The following AKAP8L variants were observed in gnomAD, a reference collection of about 807,000 sequenced individuals.
The protein encoded by AKAP8L is A-kinase anchor protein 8-like.
A neutral mutation model predicts 77.5 loss-of-function variants in AKAP8L; 34 were observed. The ratio of observed to expected loss-of-function variants is 0.44; its 90% confidence interval spans 0.33 to 0.58. The LOEUF (loss-of-function observed/expected upper bound fraction) is 0.58. Ranked by LOEUF, AKAP8L falls within the 20% of genes least tolerant of loss-of-function variation. The pLI is 0.02. For missense variants in AKAP8L, 806 were observed against 887.6 expected (o/e 0.91, Z 1.17); for synonymous variants, 342 against 340.7 (o/e 1.00, Z -0.04).
At chr19:15,382,226 A>T (rs57132700) in intron 12 of AKAP8L, among the ~76,000 whole-genome samples, 3,184 of 14,718 alleles carry the variant, frequency 0.22, 70 homozygotes, top group African/African-American at 0.38. Context: ...TTTTTTTTTT[A>T]AGACAGTCTC....
At chr19:15,396,885 T>C (rs1452220171) in intron 12 of AKAP8L, among the ~76,000 whole-genome samples, 1 of 152,248 alleles carries the variant, frequency 6.6e-6, no homozygotes, top group Non-Finnish European at 1.5e-5. Context: ...ATTTGGTTTC[T>C]GAACCTAATC....
chr19:15,384,395 G>C (rs1409772975), intron 12 of AKAP8L, among the ~76,000 whole-genome samples: 2 of 151,084 alleles, frequency 1.3e-5, no homozygotes, highest in African/African-American at 4.9e-5. Flanking sequence ...CGCCTCCCAG[G>C]TTCAAGCGAT....
chr19:15,413,355 C>T (rs1309011441), intron 1 of AKAP8L, among the ~76,000 whole-genome samples: 2 of 152,300 alleles, frequency 1.3e-5, no homozygotes, highest in South Asian at 2.1e-4. Context: ...CCAGACCCCA[C>T]GTGACTTCTC....
chr19:15,397,649 G>A lies in AKAP8L; in HGVS notation c.1300-24C>T, dbSNP rs202179580. The A allele has an allele frequency of 2.1e-5, 34 of 1,613,848 alleles. No individual in the cohort carries two copies. The highest frequency in any genetic ancestry group is 1.6e-4 in the Middle Eastern group (1 of 6,080). On this transcript the variant is annotated intron_variant, in intron 10 of 13. Transcript: ENST00000397410. This position sits in a 1 kb window ranked among gnomAD's most constrained non-coding sequence, Gnocchi z 4.7. ...TCCTGCAAGGAATATAAAGGTTCATGTGGGCCGCCTTATGTTCTCAGGGGT... is the reference window on the plus strand; with the variant it reads ...TCCTGCAAGGAATATAAAGGTTCATATGGGCCGCCTTATGTTCTCAGGGGT...
At position 15,399,778 on chromosome 19, in the gene AKAP8L, C is replaced by A; in HGVS notation, c.1049-368G>T. On this transcript the variant is annotated intron_variant, in intron 8 of 13. Coordinates refer to ENST00000397410, the MANE Select transcript of AKAP8L (RefSeq NM_014371.4). The surrounding 1 kb of genome is among the most constrained non-coding windows in gnomAD (Gnocchi z 6.1). ...GGCTGCTCACATGGCCCTGCCCACC[C>A]CCAACCGGGCACCGCGGCAACAGTG... The A allele has an allele frequency of 2.9e-6, 1 of 341,808 alleles. No individual in the cohort carries two copies. Among genetic ancestry groups the A allele is most frequent in the Non-Finnish European group, 5.5e-6 (1 of 180,962 alleles). 21.2% of individuals were successfully genotyped at this position (341,808 alleles called of 1,614,324 possible).
chr19:15,397,601 T>C lies in AKAP8L; in HGVS notation c.1324A>G (p.Lys442Glu). ...ACGGTTTTTCGGAGCTCCTCTGTCT[T>C]CTTGGTCTTGTTAGTGACGTACTCC... The part of the protein sequence containing the change: ...LQEYVTNKTK[K>E]TEELRKTVED... The change falls in exon 11 of 14, where the codon AAG (lysine) becomes GAG (glutamate). Residue 442 changes from lysine (K) to glutamate (E), a missense_variant. Lys to Glu is a moderately conservative substitution (Grantham distance 56). Around this residue, in one of 2 missense-constraint regions of AKAP8L, gnomAD observed 580 missense variants for 694.1 expected, o/e 0.84. Transcript: ENST00000397410. This position sits in a 1 kb window ranked among gnomAD's most constrained non-coding sequence, Gnocchi z 4.7. 1 of 1,613,924 alleles carries C rather than the reference T, an allele frequency of 6.2e-7. No homozygotes were observed. The highest frequency in any genetic ancestry group is 8.5e-7 in the Non-Finnish European group (1 of 1,179,888).
At chr19:15,410,869 G>T (rs1968094281) in intron 1 of AKAP8L, among the ~76,000 whole-genome samples, 1 of 152,228 alleles carries the variant, frequency 6.6e-6, no homozygotes, top group Admixed American at 6.5e-5. Context: ...CTGCAACGCA[G>T]TGGCATGATC....
At chr19:15,410,701 G>A (rs751869135) in intron 1 of AKAP8L, 107 bp from the exon 2 acceptor site, 12 of 819,974 alleles carry the variant, frequency 1.5e-5, no homozygotes, top group Non-Finnish European at 2.4e-5. Flanking sequence ...TTCTCTCAAC[G>A]AAAAGCCACC....
chr19:15,408,150 T>G (rs1968036428), intron 2 of AKAP8L, among the ~76,000 whole-genome samples: 1 of 149,794 alleles, frequency 6.7e-6, no homozygotes, highest in Non-Finnish European at 1.5e-5. Context: ...AAAAAGACCG[T>G]GCTGCTGAAC....
chr19:15,388,394 C>T (rs1182033176), intron 12 of AKAP8L, among the ~76,000 whole-genome samples: 2 of 152,092 alleles, frequency 1.3e-5, no homozygotes, highest in Non-Finnish European at 2.9e-5. Context: ...ATAGAAACTT[C>T]CTGTGACAGT....
At chr19:15,418,691 C>G (rs1968264441) in intron 1 of AKAP8L, among the ~76,000 whole-genome samples, 1 of 152,250 alleles carries the variant, frequency 6.6e-6, no homozygotes, top group African/African-American at 2.4e-5. Flanking sequence ...GCCAAGACAT[C>G]AGGCGGCCGG....
intron 12 of AKAP8L, among the ~76,000 whole-genome samples, chr19:15,385,306 C>T (rs1218305378): frequency 1.3e-5 from 2 of 151,342 alleles, no homozygotes; most frequent in African/African-American, 2.4e-5. Context: ...CTCAGCCTCC[C>T]GAGTAGCTGG....
Position 15,389,885 on chromosome 19 carries a change from G to A in AKAP8L, c.1536+7265C>T, listed in dbSNP as rs1967624219. The stretch of plus-strand genomic sequence containing the variant: ...AGGGGAAAAATCTTGAAAGCAGCAA[G>A]ACAAAACAAATCATCACAAGGAAAC... On this transcript the variant is annotated intron_variant, in intron 12 of 13. Transcript: ENST00000397410. Among the ~76,000 whole-genome samples, 3 of 149,486 alleles carry A rather than the reference G, an allele frequency of 2.0e-5. No individual in the cohort carries two copies. In the South Asian group the frequency reaches 6.4e-4, roughly 32 times the overall value.
intron 2 of AKAP8L, among the ~76,000 whole-genome samples, chr19:15,408,713 C>G (rs1333696735): frequency 2.0e-5 from 3 of 151,514 alleles, no homozygotes; most frequent in African/African-American, 7.3e-5. Context: ...GAAACCCCGT[C>G]TCTACTGAAA....
chr19:15,387,357 G>A (rs1967560735), intron 12 of AKAP8L, among the ~76,000 whole-genome samples: 2 of 152,166 alleles, frequency 1.3e-5, no homozygotes, highest in African/African-American at 4.8e-5. Context: ...GACTTCACTG[G>A]CAAGAGTGTT....
intron 12 of AKAP8L, among the ~76,000 whole-genome samples, chr19:15,388,512 AAC>A (rs1287000786): frequency 6.6e-6 from 1 of 152,192 alleles, no homozygotes; most frequent in South Asian, 2.1e-4. Flanking sequence ...AAACAATTTA[AAC>A]ACAGAGATAG....
intron 12 of AKAP8L, among the ~76,000 whole-genome samples, chr19:15,388,356 G>A (rs1967584553): frequency 6.8e-6 from 1 of 147,080 alleles, no homozygotes; most frequent in African/African-American, 2.5e-5. Context: ...AGGAAACTCT[G>A]ACCCAGGCAC....
At chr19:15,391,055 C>T (rs777087703) in intron 12 of AKAP8L, among the ~76,000 whole-genome samples, 23 of 152,112 alleles carry the variant, frequency 1.5e-4, no homozygotes, top group Non-Finnish European at 2.5e-4. Flanking sequence ...AGGTTCTAAC[C>T]AGGGCAATTA....
At chr19:15,395,781 G>A (rs1344171561) in intron 12 of AKAP8L, among the ~76,000 whole-genome samples, 1 of 144,244 alleles carries the variant, frequency 6.9e-6, no homozygotes, top group Admixed American at 6.8e-5. Context: ...TCAGGAGATC[G>A]AGACCATCCT....
Sources: gnomAD v4.1 joint callset for allele counts (sites outside exome capture counted in the v4.1 genomes callset) on GRCh38, gnomAD v4.1.1 for gene constraint, gnomAD v4.1.1 regional missense constraint, Gnocchi (gnomAD v3.1) non-coding constraint, MANE v1.5 for transcripts, NCBI Gene and HGNC (gene_info 2026-07-23, HGNC 2026-07-21) for gene names.